The following FBXL2 variants were observed in gnomAD, a reference collection of about 807,000 sequenced individuals.
FBXL2 encodes F-box/LRR-repeat protein 2.
FBXL2 carries 38 observed loss-of-function variants against 69.2 expected under a neutral mutation model. The observed-to-expected ratio is 0.55, with a 90% confidence interval of 0.42 to 0.72. FBXL2 has a LOEUF of 0.72. Ranked by LOEUF, FBXL2 falls within the 30% of genes least tolerant of loss-of-function variation. The pLI, the probability that FBXL2 is intolerant of heterozygous loss-of-function variation, is 0.00. For missense variants in FBXL2, 354 were observed against 520.3 expected (o/e 0.68, Z 3.11); for synonymous variants, 192 against 201.3 (o/e 0.95, Z 0.39).
chr3:33,403,654 A>G (rs965197726), exon 13 of FBXL2: 2 of 151,864 alleles, frequency 1.3e-5, no homozygotes, highest in Non-Finnish European at 2.9e-5. Flanking sequence ...GTGAACTTTA[A>G]TATTTTTCAG....
intron 2 of FBXL2, among the ~76,000 whole-genome samples, chr3:33,336,982 ATT>A (rs1200120972): frequency 6.6e-6 from 1 of 152,044 alleles, no homozygotes; most frequent in East Asian, 1.9e-4. Context: ...AGGTGGGCGG[ATT>A]GCCTGAGCTC....
intron 2 of FBXL2, among the ~76,000 whole-genome samples, chr3:33,331,129 TA>T (rs1408981490): frequency 6.6e-6 from 1 of 151,966 alleles, no homozygotes; most frequent in African/African-American, 2.4e-5. Flanking sequence ...GTTGATATTC[TA>T]ACCTATAGAC....
At chr3:33,413,741 G>C in the FBXL2 span, among the ~76,000 whole-genome samples, 4 of 152,130 alleles carry the variant, frequency 2.6e-5, no homozygotes, top group South Asian at 8.3e-4. Context: ...GACATTTATA[G>C]GGCTCAGTGG....
intron 11 of FBXL2, among the ~76,000 whole-genome samples, chr3:33,377,756 A>C (rs758547116): frequency 5.9e-5 from 9 of 152,170 alleles, no homozygotes; most frequent in Admixed American, 2.0e-4. Context: ...CCCAACCCCC[A>C]CAGTGTGGCT....
chr3:33,333,051 A>G (rs2039291945), intron 2 of FBXL2, among the ~76,000 whole-genome samples: 1 of 152,224 alleles, frequency 6.6e-6, no homozygotes, highest in Non-Finnish European at 1.5e-5. Flanking sequence ...AGATAAATCC[A>G]TGGAGACAGA....
intron 5 of FBXL2, among the ~76,000 whole-genome samples, chr3:33,365,130 ATAAC>A (rs1473933808): frequency 2.6e-5 from 4 of 152,188 alleles, no homozygotes; most frequent in African/African-American, 9.7e-5. Flanking sequence ...AATTGATAAA[ATAAC>A]TATTTCAAAA....
At position 33,384,094 on chromosome 3, in the gene FBXL2, C is replaced by T; in HGVS notation, c.1057C>T (p.Leu353Phe). ...LRVLELDNCLLITDVALEHLE... is the reference protein window; with the variant it reads ...LRVLELDNCLFITDVALEHLE... ...GGTACTGGAGTTGGACAACTGCCTC[C>T]TCATCACTGATGTGGCCCTGGAACA... The change falls in exon 14 of 15, where the codon CTC becomes TTC. Residue 353 changes from leucine (L) to phenylalanine (F), a missense_variant. Leu to Phe is a conservative substitution (Grantham distance 22). Coordinates refer to ENST00000484457, the MANE Select transcript of FBXL2 (RefSeq NM_012157.5). 2 of 1,614,120 alleles carry T rather than the reference C, an allele frequency of 1.2e-6. No individual in the cohort carries two copies. The highest frequency in any genetic ancestry group is 1.7e-6 in the Non-Finnish European group (2 of 1,179,996).
chr3:33,316,396 C>G (rs1278808292), intron 2 of FBXL2, among the ~76,000 whole-genome samples: 1 of 152,050 alleles, frequency 6.6e-6, no homozygotes, highest in Non-Finnish European at 1.5e-5. Flanking sequence ...TTTATTCCAC[C>G]CTTAGCAGTT....
chr3:33,408,561 A>G (rs999096333), downstream of FBXL2: 8 of 665,044 alleles, frequency 1.2e-5, no homozygotes, highest in Non-Finnish European at 1.9e-5. Context: ...AAGTCTAAAC[A>G]AAAGCAAATT....
At chr3:33,398,727 A>C (rs924805482) in intron 12 of FBXL2, among the ~76,000 whole-genome samples, 1 of 152,184 alleles carries the variant, frequency 6.6e-6, no homozygotes, top group Non-Finnish European at 1.5e-5. Context: ...ATTAAAACTC[A>C]CCAGATAGAA....
intron 2 of FBXL2, among the ~76,000 whole-genome samples, chr3:33,341,237 A>G (rs895806032): frequency 1.3e-5 from 2 of 152,222 alleles, no homozygotes; most frequent in African/African-American, 4.8e-5. Flanking sequence ...TTTGTAGAAA[A>G]TACAGAGGCC....
chr3:33,384,245 G>T (rs745984617), intron 14 of FBXL2, 44 bp downstream of exon 14: 30 of 1,577,378 alleles, frequency 1.9e-5, no homozygotes, highest in Non-Finnish European at 2.5e-5. Context: ...ACATTTCTAA[G>T]CACCAAAGGA....
chr3:33,392,756 A>G, downstream of FBXL2: 1 of 722,258 alleles, frequency 1.4e-6, no homozygotes, highest in South Asian at 1.9e-5. Flanking sequence ...AGTGTGAGGC[A>G]GCAAAGATGC....
In FBXL2 at chr3:33,384,163, TGCCA is replaced by T; in HGVS notation, c.1129_1132del (p.Gln377ArgfsTer78). 6.2e-7 allele frequency: 1 copy of T among 1,614,152 alleles called. No homozygotes were observed. Among genetic ancestry groups the T allele is most frequent in the Non-Finnish European group, 8.5e-7 (1 of 1,180,014 alleles). On this transcript the variant is annotated frameshift_variant, in exon 14 of 15. Coordinates refer to ENST00000484457, the MANE Select transcript of FBXL2 (RefSeq NM_012157.5). LOFTEE classifies it high-confidence loss of function. ...CCTGGAGCGCCTCGAGCTGTACGAC[TGCCA>T]GCAGGTTACCCGTGCAGGCATCAAG...
intron 1 of FBXL2, among the ~76,000 whole-genome samples, chr3:33,282,128 A>G (rs1332823367): frequency 2.0e-5 from 3 of 152,214 alleles, no homozygotes; most frequent in South Asian, 2.1e-4. Context: ...GCCCATGCCT[A>G]TGTCTTGAGT....
At chr3:33,287,738 A>T (rs1047527067) in intron 1 of FBXL2, among the ~76,000 whole-genome samples, 1 of 152,234 alleles carries the variant, frequency 6.6e-6, no homozygotes, top group Non-Finnish European at 1.5e-5. Context: ...ATTTGAACTC[A>T]ACCAGTCTGT....
chr3:33,337,603 A>G (rs540473014), intron 2 of FBXL2, among the ~76,000 whole-genome samples: 7 of 152,314 alleles, frequency 4.6e-5, no homozygotes, highest in Admixed American at 2.6e-4. Flanking sequence ...CTAAATGGGA[A>G]GTTCTAGCCA....
At chr3:33,278,225 T>TA (rs1267512740) in intron 1 of FBXL2, 4 of 152,220 alleles carry the variant, frequency 2.6e-5, no homozygotes, top group Non-Finnish European at 5.9e-5. Flanking sequence ...AAGCTCGTTT[T>TA]AAAAACGTTG....
chr3:33,325,327 T>G (rs1310394307), intron 2 of FBXL2, among the ~76,000 whole-genome samples: 2 of 152,316 alleles, frequency 1.3e-5, no homozygotes, highest in African/African-American at 4.8e-5. Flanking sequence ...TCCAATACTG[T>G]GTTTAATAGG....
Sources: gnomAD v4.1 joint callset for allele counts (sites outside exome capture counted in the v4.1 genomes callset) on GRCh38, gnomAD v4.1.1 for gene constraint, MANE v1.5 for transcripts, NCBI Gene and HGNC (gene_info 2026-07-23, HGNC 2026-07-21) for gene names.